The following MGAM2 variants were observed in gnomAD, a reference collection of about 807,000 sequenced individuals.
MGAM2 encodes the protein maltase-glucoamylase 2 (putative).
Under a neutral mutation model 96.1 loss-of-function variants are expected in MGAM2, and 98 were observed. The observed-to-expected ratio is 1.02, with a 90% CI of 0.87 to 1.21. The LOEUF (loss-of-function observed/expected upper bound fraction) is 1.21. MGAM2 is among the 50% of genes most tolerant of loss of function. The probability of loss-of-function intolerance (pLI) is 0.00; values close to 1 mark genes in which losing one functional copy is unlikely to be tolerated. For missense variants in MGAM2, 2,055 were observed against 1,182.4 expected (o/e 1.74, Z -10.82); for synonymous variants, 749 against 414.8 (o/e 1.81, Z -9.79).
chr7:142,116,758 C>G, intron 1 of MGAM2, 116 bp from the exon 2 acceptor site: 1 of 659,050 alleles, frequency 1.5e-6, no homozygotes, highest in Admixed American at 2.2e-5. Context: ...AAAGAGGATG[C>G]TGATAATCAA....
At position 142,195,718 on chromosome 7, in the gene MGAM2, C is replaced by G. The variant is rs143346155; in HGVS notation, c.4347-436C>G. The stretch of plus-strand genomic sequence containing the variant: ...AAAGATCATCTTATTTTGTCCAGCT[C>G]ACTATTTTCAGGCGAATGCCTTTCT... On this transcript the variant is annotated intron_variant, in intron 37 of 47. Transcript: ENST00000477922. Among the ~76,000 whole-genome samples, 1,347 of 151,970 alleles carry G rather than the reference C, an allele frequency of 8.9e-3. 21 individuals carry two copies. The highest frequency in any genetic ancestry group is 0.031 in the African/African-American group (1,288 of 41,366).
chr7:142,194,977 G>A (rs749665650), intron 37 of MGAM2, among the ~76,000 whole-genome samples: 1 of 152,046 alleles, frequency 6.6e-6, no homozygotes, highest in Non-Finnish European at 1.5e-5. Context: ...TTCTAAGGGT[G>A]CGTGCAGATG....
intron 46 of MGAM2, among the ~76,000 whole-genome samples, chr7:142,209,199 G>A (rs1442264766): frequency 6.6e-6 from 1 of 152,134 alleles, no homozygotes; most frequent in Non-Finnish European, 1.5e-5. Context: ...GAAGGTCTAG[G>A]CACGGCTTCT....
chr7:142,190,390 G>A (rs561476134), intron 37 of MGAM2, among the ~76,000 whole-genome samples: 1 of 149,882 alleles, frequency 6.7e-6, no homozygotes, highest in East Asian at 2.0e-4. Flanking sequence ...TCCAGCCTCA[G>A]ACTCCCGAGT....
rs534688060 is a variant in MGAM2, at chr7:142,160,353, C to G, written c.2345+95C>G. Reference sequence around the variant, plus strand: ...CAAATAGGGATTTTTGTGGATGAGCCAAGGGATAAGTCACCCATCAGTAAT... The same window carrying G: ...CAAATAGGGATTTTTGTGGATGAGCGAAGGGATAAGTCACCCATCAGTAAT... On this transcript the variant is annotated intron_variant, in intron 21 of 47. Transcript: ENST00000477922. 318 of 579,230 alleles carry G rather than the reference C, an allele frequency of 5.5e-4. 2 individuals carry two copies. The South Asian group carries it at 6.8e-3, about 12-fold the overall frequency. The allele number at this position is 579,230 out of a possible 1,614,324, so 35.9% of individuals were successfully genotyped here. A position where few individuals can be genotyped will look rare whatever the true frequency, so the allele number is the denominator to read the frequency against.
chr7:142,218,457 G>T lies in MGAM2; in HGVS notation c.5284G>T (p.Val1762Leu). 7.1e-6 allele frequency: 5 copies of T among 702,426 alleles called. No individual in the cohort carries two copies. The highest frequency in any genetic ancestry group is 1.0e-5 in the Non-Finnish European group (4 of 384,806). The allele number at this position is 702,426 out of a possible 1,614,324, so 43.5% of individuals were successfully genotyped here. ...YIRIWGVNTY[V>L]TQVSFTYDNR... ...TAGAATCTGGGGTGTGAATACCTAT[G>T]TGACACAAGTCAGTTTCACCTATGA... The change falls in exon 47 of 48, where the codon GTG becomes TTG. Residue 1762 changes from valine (V) to leucine (L), a missense_variant. Coordinates refer to ENST00000477922, the MANE Select transcript of MGAM2 (RefSeq NM_001293626.2).
Position 142,120,627 on chromosome 7 carries a change from C to T in MGAM2, c.186+246C>T, listed in dbSNP as rs1433455124. Reference sequence around the variant, plus strand: ...GGATTATAAAGTCCAAGGTGGAGGGCGATTACAGGTGTTACTAAATGTACC... The same window carrying T: ...GGATTATAAAGTCCAAGGTGGAGGGTGATTACAGGTGTTACTAAATGTACC... On this transcript the variant is annotated intron_variant, in intron 3 of 47. Coordinates refer to ENST00000477922, the MANE Select transcript of MGAM2 (RefSeq NM_001293626.2). Among the ~76,000 whole-genome samples, 4 of 152,064 alleles carry T rather than the reference C, an allele frequency of 2.6e-5. No homozygotes were observed. In the South Asian group the frequency reaches 8.3e-4, roughly 32 times the overall value.
intron 15 of MGAM2, among the ~76,000 whole-genome samples, chr7:142,151,972 A>G (rs1217624678): frequency 6.6e-6 from 1 of 152,218 alleles, no homozygotes; most frequent in Non-Finnish European, 1.5e-5. Context: ...GCTCAACCTT[A>G]AATGGAAGTA....
At chr7:142,172,282 C>T (rs1199421950) in intron 29 of MGAM2, 88 bp downstream of exon 29, 6 of 589,126 alleles carry the variant, frequency 1.0e-5, no homozygotes, top group Non-Finnish European at 1.8e-5. Flanking sequence ...TAGAGACATT[C>T]AGGGGGCAAG....
intron 32 of MGAM2, among the ~76,000 whole-genome samples, chr7:142,180,047 CT>C (rs1415382781): frequency 6.6e-6 from 1 of 151,734 alleles, no homozygotes; most frequent in Non-Finnish European, 1.5e-5. Flanking sequence ...TATTATTGAT[CT>C]GTTTATGGTG....
intron 32 of MGAM2, among the ~76,000 whole-genome samples, chr7:142,181,253 G>T (rs1796530496): frequency 6.6e-6 from 1 of 152,102 alleles, no homozygotes; most frequent in Non-Finnish European, 1.5e-5. Context: ...GTTTGACTGT[G>T]GTGTATGTTG....
At chr7:142,165,099 AACTGTGGGCAGTCAG>A in intron 24 of MGAM2, 76 bp downstream of exon 24, 2 of 585,278 alleles carry the variant, frequency 3.4e-6, no homozygotes, top group South Asian at 4.5e-5. Context: ...TTGCTCTTTT[AACTGTGGGCAGTCAG>A]ACACAACTGA....
At chr7:142,132,728 AT>A (rs1379637926) in intron 6 of MGAM2, among the ~76,000 whole-genome samples, 2 of 126,406 alleles carry the variant, frequency 1.6e-5, no homozygotes, top group Non-Finnish European at 3.1e-5. Flanking sequence ...AATAATATTA[AT>A]AGAAATATGT....
chr7:142,187,666 T>G lies in MGAM2; in HGVS notation c.4123-84T>G, dbSNP rs10225715. 2,317 of 649,480 alleles carry G rather than the reference T, an allele frequency of 3.6e-3. 39 individuals carry two copies. In the African/African-American group the frequency reaches 0.037, roughly 10 times the overall value. 40.2% of individuals were successfully genotyped at this position (649,480 alleles called of 1,614,324 possible). A position where few individuals can be genotyped will look rare whatever the true frequency, so the allele number is the denominator to read the frequency against. On this transcript the variant is annotated intron_variant, in intron 35 of 47. Transcript: ENST00000477922. ...CCAGCTGAGCTGAGGGCTTCAAAAGTCATCTCCCTGAGTTAGTGTCCTCTA... is the reference window on the plus strand; with the variant it reads ...CCAGCTGAGCTGAGGGCTTCAAAAGGCATCTCCCTGAGTTAGTGTCCTCTA...
intron 37 of MGAM2, among the ~76,000 whole-genome samples, chr7:142,190,677 G>A (rs1796841520): frequency 6.6e-6 from 1 of 151,998 alleles, no homozygotes; most frequent in South Asian, 2.1e-4. Flanking sequence ...TTAAATTATA[G>A]ACATTCTAAT....
intron 45 of MGAM2, among the ~76,000 whole-genome samples, chr7:142,201,065 C>CTTTT (rs1480159357): frequency 1.4e-5 from 1 of 71,898 alleles, no homozygotes; most frequent in African/African-American, 5.0e-5. Flanking sequence ...AAATAACATC[C>CTTTT]TTTTTCTTTT....
In MGAM2 at chr7:142,220,030, A is replaced by AGACAATCACCAGTTCTGC. The variant is rs1797871114; in HGVS notation, c.5520_5537dup (p.Thr1841_Ala1846dup). On this transcript the variant is annotated inframe_insertion, in exon 48 of 48. Transcript: ENST00000477922. ...TCTACTACCAATGCCACCAGTTCTG[A>AGACAATCACCAGTTCTGC]GACAATCACCAGTTCTGCCAGTGCA... The AGACAATCACCAGTTCTGC allele has an allele frequency of 1.4e-6, 1 of 702,820 alleles. No individual in the cohort carries two copies. Among genetic ancestry groups the AGACAATCACCAGTTCTGC allele is most frequent in the Non-Finnish European group, 2.6e-6 (1 of 384,962 alleles). The allele number at this position is 702,820 out of a possible 1,614,324, so 43.5% of individuals were successfully genotyped here. A position where few individuals can be genotyped will look rare whatever the true frequency, so the allele number is the denominator to read the frequency against.
chr7:142,186,914 T>A (rs1331827492), intron 35 of MGAM2, among the ~76,000 whole-genome samples: 1 of 151,138 alleles, frequency 6.6e-6, no homozygotes, highest in African/African-American at 2.4e-5. Flanking sequence ...TGGAGAGTTG[T>A]GGGCAGCTTT....
chr7:142,129,549 G>A (rs1794823556), intron 3 of MGAM2, among the ~76,000 whole-genome samples: 1 of 151,952 alleles, frequency 6.6e-6, no homozygotes, highest in South Asian at 2.1e-4. Flanking sequence ...TGTAGGCCAG[G>A]CGCGGTGGCT....
Sources: gnomAD v4.1 joint callset for allele counts (sites outside exome capture counted in the v4.1 genomes callset) on GRCh38, gnomAD v4.1.1 for gene constraint, MANE v1.5 for transcripts, NCBI Gene and HGNC (gene_info 2026-07-23, HGNC 2026-07-21) for gene names.